PURG: variants seen among roughly 807,000 people sequenced by gnomAD.
The protein encoded by PURG is purine rich element binding protein G.
A neutral mutation model predicts 24.3 loss-of-function variants in PURG; 3 were observed. The ratio of observed to expected loss-of-function variants is 0.12; its 90% CI spans 0.06 to 0.32. The LOEUF is 0.32. Among genes scored for constraint, PURG ranks in the 10% least tolerant of loss-of-function variants. The pLI is 1.00. For synonymous variants in PURG, 180 were observed against 173.1 expected (o/e 1.04, Z -0.31); for missense variants, 371 against 439.1 (o/e 0.84, Z 1.39).
intron 1 of PURG, among the ~76,000 whole-genome samples, chr8:31,025,422 T>C (rs1033933543): frequency 6.6e-6 from 1 of 151,992 alleles, no homozygotes; most frequent in African/African-American, 2.4e-5. Context: ...AACAGGACAT[T>C]ATGCTACCAA....
In PURG at chr8:31,033,157, TGCAGCCGCC is replaced by T. The variant is rs1229813427; in HGVS notation, c.-95_-87del. 5.3e-4 allele frequency: 110 copies of T among 208,644 alleles called. No homozygotes were observed. In the East Asian group the frequency reaches 9.2e-3, roughly 18 times the overall value. The allele number at this position is 208,644 out of a possible 1,614,324, so 12.9% of individuals were successfully genotyped here. A position where few individuals can be genotyped will look rare whatever the true frequency, so the allele number is the denominator to read the frequency against. Reference sequence around the variant, plus strand: ...CACCGCCAGCTCTCGGCCCCTCTGCTGCAGCCGCCGCAGCCGCCGCCCCCCGCCTCCTCC... The same window carrying T: ...CACCGCCAGCTCTCGGCCCCTCTGCTGCAGCCGCCGCCCCCCGCCTCCTCC... On this transcript the variant is annotated 5_prime_UTR_variant, in exon 1 of 2. Transcript: ENST00000523392.
intron 1 of PURG, among the ~76,000 whole-genome samples, chr8:31,022,894 T>C (rs189259536): frequency 7.2e-5 from 11 of 152,380 alleles, no homozygotes; most frequent in African/African-American, 2.4e-4. Context: ...GGTGTCTGTA[T>C]ATATCTTTAT....
chr8:31,002,739 C>A (rs927213305), intron 1 of PURG, among the ~76,000 whole-genome samples: 1 of 152,204 alleles, frequency 6.6e-6, no homozygotes, highest in Non-Finnish European at 1.5e-5. Context: ...TTGCCTCGGC[C>A]TCCCAAAGTG....
chr8:31,015,469 T>C (rs1164806796), intron 1 of PURG, among the ~76,000 whole-genome samples: 1 of 151,834 alleles, frequency 6.6e-6, no homozygotes, highest in Non-Finnish European at 1.5e-5. Flanking sequence ...TGCATATATA[T>C]TTTAAAAAAA....
At chr8:31,028,188 A>T (rs1383145296), downstream of PURG, among the ~76,000 whole-genome samples, 2 of 151,806 alleles carry the variant, frequency 1.3e-5, no homozygotes, top group Non-Finnish European at 3.0e-5. Flanking sequence ...ATAGTATTTT[A>T]TTTATTCTAG....
chr8:31,018,520 A>G (rs1216709725), intron 1 of PURG, among the ~76,000 whole-genome samples: 1 of 152,240 alleles, frequency 6.6e-6, no homozygotes, highest in Non-Finnish European at 1.5e-5. Flanking sequence ...TACTCAAAGT[A>G]TAATTCTAAC....
chr8:31,023,001 T>A (rs1426988055), intron 1 of PURG, among the ~76,000 whole-genome samples: 1 of 152,206 alleles, frequency 6.6e-6, no homozygotes, highest in East Asian at 1.9e-4. Context: ...GCTTAGAATA[T>A]CTGATGGGAA....
rs1049120230 is a variant in PURG at position 31,032,339 on chromosome 8, C to T, written c.444G>A (p.Arg148=). 6.2e-7 allele frequency: 1 copy of T among 1,612,974 alleles called. No individual in the cohort carries two copies. Among genetic ancestry groups the T allele is most frequent in the Non-Finnish European group, 8.5e-7 (1 of 1,180,010 alleles). The change falls in exon 2 of 2, where the codon AGG becomes AGA. Residue 148 remains arginine (R), a synonymous_variant. Coordinates refer to ENST00000523392, the MANE Select transcript of PURG (RefSeq NM_001323311.2). This position sits in a 1 kb window ranked among gnomAD's most constrained non-coding sequence, Gnocchi z 5.9. ...HGHSKEQGSR[R]RQKHSAPSPP... ...GGGAGGGTGCCGAGTGCTTCTGCCT[C>T]CTTCTGGAGCCTTGCTCTTTGCTGT...
downstream of PURG, among the ~76,000 whole-genome samples, chr8:31,027,151 A>C (rs1811106499): frequency 6.6e-6 from 1 of 151,686 alleles, no homozygotes; most frequent in African/African-American, 2.4e-5. Context: ...AGAAATATTT[A>C]AGGAAATTTC....
In PURG at chr8:31,032,152, A is replaced by G; in HGVS notation, c.631T>C (p.Tyr211His). Residue 211 changes from tyrosine to histidine, a missense_variant, in exon 2 of 2, where the codon TAT (tyrosine) becomes CAT (histidine). Tyr to His is a moderately conservative substitution (Grantham distance 83). This residue lies in a region of PURG where 41 missense variants were observed against 29.8 expected (regional missense o/e 1.38). Coordinates refer to ENST00000523392, the MANE Select transcript of PURG (RefSeq NM_001323311.2). The surrounding 1 kb of genome is among the most constrained non-coding windows in gnomAD (Gnocchi z 5.9). ...TCTTGGCCCAAACTGTGGCCAAAAT[A>G]ACCTATCATGCCAGTCCCCCGCATC... The part of the protein sequence containing the change: ...TMMRGTGMIG[Y>H]FGHSLGQEQT... 1 of 1,614,170 alleles carries G rather than the reference A, an allele frequency of 6.2e-7. No individual in the cohort carries two copies. Among genetic ancestry groups the G allele is most frequent in the Non-Finnish European group, 8.5e-7 (1 of 1,180,024 alleles).
At position 31,031,653 on chromosome 8, in the gene PURG, A is replaced by C; in HGVS notation, c.*86T>G. ...TACTAATAACAACGGGCCAAAAAAG[A>C]GGAAAAACTTCTTCAAAGGATAATG... is the stretch of plus-strand genomic sequence containing the variant. On this transcript the variant is annotated 3_prime_UTR_variant, in exon 2 of 2. Transcript: ENST00000523392. 1 of 1,320,668 alleles carries C rather than the reference A, an allele frequency of 7.6e-7. No homozygotes were observed. 81.8% of individuals were successfully genotyped at this position (1,320,668 alleles called of 1,614,324 possible).
chr8:31,006,238 A>G (rs1427391603), intron 1 of PURG, among the ~76,000 whole-genome samples: 1 of 152,222 alleles, frequency 6.6e-6, no homozygotes, highest in Non-Finnish European at 1.5e-5. Flanking sequence ...TTTTGAGAAG[A>G]AAACAATAAT....
chr8:31,026,476 C>T (rs1409630417), downstream of PURG, among the ~76,000 whole-genome samples: 1 of 151,086 alleles, frequency 6.6e-6, no homozygotes, highest in Non-Finnish European at 1.5e-5. Flanking sequence ...CTTGATATTT[C>T]CTTGGTATAG....
chr8:30,998,366 G>T (rs1810468868), intron 1 of PURG, among the ~76,000 whole-genome samples: 1 of 151,742 alleles, frequency 6.6e-6, no homozygotes, highest in African/African-American at 2.4e-5. Flanking sequence ...AAAGGATAAA[G>T]AATAATTTAA....
In PURG at chr8:31,031,912, CACTT is replaced by C; in HGVS notation, c.867_870del (p.Ser290ArgfsTer2). 6.2e-7 allele frequency: 1 copy of C among 1,614,180 alleles called. No homozygotes were observed. The highest frequency in any genetic ancestry group is 8.5e-7 in the Non-Finnish European group (1 of 1,180,040). ...GTATTACGGTAAGGTGGTCTCACCT[CACTT>C]ACCTTCAGGAAAATTCCATATTTAT... On this transcript the variant is annotated frameshift_variant, in exon 2 of 2. Coordinates refer to ENST00000523392, the MANE Select transcript of PURG (RefSeq NM_001323311.2). LOFTEE classifies it high-confidence loss of function.
chr8:31,013,967 C>T (rs536875717), intron 1 of PURG, among the ~76,000 whole-genome samples: 134 of 152,206 alleles, frequency 8.8e-4, no homozygotes, highest in African/African-American at 3.1e-3. Context: ...GAATCAGCTG[C>T]AACACAACTC....
intron 1 of PURG, among the ~76,000 whole-genome samples, chr8:31,013,947 G>A (rs528489273): frequency 9.2e-5 from 14 of 152,212 alleles, no homozygotes; most frequent in African/African-American, 3.1e-4. Flanking sequence ...TAATTGCCTG[G>A]AACATTACTG....
At chr8:31,023,648 G>A (rs960230975) in intron 1 of PURG, among the ~76,000 whole-genome samples, 19 of 151,676 alleles carry the variant, frequency 1.3e-4, no homozygotes, top group South Asian at 2.1e-4. Context: ...ATCCTTTGAC[G>A]TTTCTTAAGG....
At chr8:31,001,871 G>C (rs1027210381) in intron 1 of PURG, among the ~76,000 whole-genome samples, 1 of 152,128 alleles carries the variant, frequency 6.6e-6, no homozygotes, top group Non-Finnish European at 1.5e-5. Flanking sequence ...TATTACTCAC[G>C]CCTGAATCGC....
Sources: gnomAD v4.1 joint callset for allele counts (sites outside exome capture counted in the v4.1 genomes callset) on GRCh38, gnomAD v4.1.1 for gene constraint, gnomAD v4.1.1 regional missense constraint, Gnocchi (gnomAD v3.1) non-coding constraint, MANE v1.5 for transcripts, NCBI Gene and HGNC (gene_info 2026-07-23, HGNC 2026-07-21) for gene names.